The following PLCB4 variants were observed in gnomAD, a reference collection of about 807,000 sequenced individuals.
PLCB4 encodes the protein phospholipase C beta 4.
In PLCB4, 77 loss-of-function variants were observed where a neutral mutation model predicts 178.8. The observed-to-expected ratio is 0.43, with a 90% CI of 0.36 to 0.52. PLCB4 has a LOEUF of 0.52. Ranked by LOEUF, PLCB4 falls within the 20% of genes least tolerant of loss-of-function variation. The pLI, the probability that PLCB4 is intolerant of heterozygous loss-of-function variation, is 0.00. For synonymous variants in PLCB4, 496 were observed against 490.8 expected, an observed-to-expected ratio of 1.01 and a Z score of -0.14; for missense variants, 1,024 against 1,453.4, an observed-to-expected ratio of 0.70 and a Z score of 4.80.
rs1037018006 is a variant in PLCB4, at chr20:9,467,352, A to C, written c.3249-1219A>C. Reference sequence around the variant, plus strand: ...AAATGACGAGTTGATGGGTGCAGCAAACCAACATGGCACATGTATACCTAT... The same window carrying C: ...AAATGACGAGTTGATGGGTGCAGCACACCAACATGGCACATGTATACCTAT... On this transcript the variant is annotated intron_variant, in intron 35 of 39. Transcript: ENST00000378473. Among the ~76,000 whole-genome samples the C allele has an allele frequency of 9.8e-5, 15 of 152,314 alleles. No homozygotes were observed. In the South Asian group the frequency reaches 1.5e-3, roughly 15 times the overall value.
At chr20:9,339,964 A>G (rs1428545741) in intron 7 of PLCB4, among the ~76,000 whole-genome samples, 2 of 152,176 alleles carry the variant, frequency 1.3e-5, no homozygotes, top group Non-Finnish European at 2.9e-5. Flanking sequence ...AGCTCCCATT[A>G]TCTTTCTGTA....
intron 7 of PLCB4, 120 bp downstream of exon 7, chr20:9,339,157 G>T: frequency 5.1e-6 from 4 of 778,706 alleles, no homozygotes; most frequent in Non-Finnish European, 8.0e-6. Flanking sequence ...AGTTAGCATT[G>T]CTTTGCTGAC....
chr20:9,468,683 G>T lies in PLCB4; in HGVS notation c.3350+11G>T. 1 of 1,452,888 alleles carries T rather than the reference G, an allele frequency of 6.9e-7. No individual in the cohort carries two copies. The highest frequency in any genetic ancestry group is 1.1e-5 in the South Asian group (1 of 87,760). The allele number at this position is 1,452,888 out of a possible 1,614,324, so 90.0% of individuals were successfully genotyped here. On this transcript the variant is annotated intron_variant, in intron 36 of 39. Transcript: ENST00000378473. ...AGCAGAACGGGAAAGGTAAGTCTGA[G>T]AGTGTTCACTGCAGGAATATGGCAT...
intron 2 of PLCB4, among the ~76,000 whole-genome samples, chr20:9,110,753 T>C (rs1326105005): frequency 6.6e-6 from 1 of 152,214 alleles, no homozygotes; most frequent in Non-Finnish European, 1.5e-5. Flanking sequence ...CCAAATGTCC[T>C]CTTCACCAAT....
intron 25 of PLCB4, among the ~76,000 whole-genome samples, chr20:9,417,639 TACAA>T (rs1270225554): frequency 6.6e-6 from 1 of 152,212 alleles, no homozygotes; most frequent in Non-Finnish European, 1.5e-5. Context: ...TCTGGATTAT[TACAA>T]ATAATGCTGC....
intron 3 of PLCB4, among the ~76,000 whole-genome samples, chr20:9,264,994 G>A (rs2094334745): frequency 6.6e-6 from 1 of 152,136 alleles, no homozygotes; most frequent in African/African-American, 2.4e-5. Flanking sequence ...CATTAGTTTT[G>A]GGGCAACTCC....
intron 32 of PLCB4, among the ~76,000 whole-genome samples, chr20:9,448,620 C>CTT (rs11379188): frequency 2.8e-4 from 40 of 144,518 alleles, no homozygotes; most frequent in African/African-American, 6.1e-4. Flanking sequence ...TATGCACAGA[C>CTT]TTTTTTTTTT....
At chr20:9,219,344 C>T (rs894629339) in intron 3 of PLCB4, among the ~76,000 whole-genome samples, 3 of 152,132 alleles carry the variant, frequency 2.0e-5, no homozygotes, top group African/African-American at 7.2e-5. Context: ...TGGTGGGCGC[C>T]TGTAGTCCCA....
chr20:9,405,387 C>T (rs1296418739), intron 21 of PLCB4, 39 bp downstream of exon 21: 2 of 1,242,022 alleles, frequency 1.6e-6, no homozygotes, highest in East Asian at 2.6e-5. Flanking sequence ...AAATCAGATG[C>T]ATCTAATTTA....
intron 2 of PLCB4, among the ~76,000 whole-genome samples, chr20:9,131,244 C>CTTCCCTCTTTT (rs951663905): frequency 7.2e-5 from 11 of 152,088 alleles, no homozygotes; most frequent in African/African-American, 2.4e-4. Context: ...ATCAATCTCT[C>CTTCCCTCTTTT]TTCCCTCTTT....
chr20:9,214,076 T>C (rs2147256546), intron 2 of PLCB4, among the ~76,000 whole-genome samples: 1 of 152,344 alleles, frequency 6.6e-6, no homozygotes, highest in East Asian at 1.9e-4. Context: ...TTTTCACTTT[T>C]TTGACGGTGT....
rs185817466 is a variant in PLCB4 at position 9,339,106 on chromosome 20, G to A, written c.369+69G>A. ...ATATGTTGTGTGTTTAATTTTATGCGTGCTATATTTTTATATACTTAAATT... is the reference window on the plus strand; with the variant it reads ...ATATGTTGTGTGTTTAATTTTATGCATGCTATATTTTTATATACTTAAATT... On this transcript the variant is annotated intron_variant, in intron 7 of 39. Coordinates refer to ENST00000378473, the MANE Select transcript of PLCB4 (RefSeq NM_001377142.1). 164 of 1,162,658 alleles carry A rather than the reference G, an allele frequency of 1.4e-4. 2 individuals carry two copies. In the Admixed American group the frequency reaches 1.6e-3, roughly 12 times the overall value. The allele number at this position is 1,162,658 out of a possible 1,614,324, so 72.0% of individuals were successfully genotyped here.
chr20:9,133,713 G>A (rs533677483), intron 2 of PLCB4, among the ~76,000 whole-genome samples: 3 of 152,318 alleles, frequency 2.0e-5, no homozygotes, highest in Non-Finnish European at 4.4e-5. Context: ...AGCTGCATAA[G>A]TGGATAGCTG....
chr20:9,376,626 C>T (rs568535750), intron 12 of PLCB4, among the ~76,000 whole-genome samples: 83 of 152,286 alleles, frequency 5.5e-4, no homozygotes, highest in Non-Finnish European at 3.5e-4. Flanking sequence ...TGTGGCAAGA[C>T]TAGATAAAAC....
intron 3 of PLCB4, among the ~76,000 whole-genome samples, chr20:9,293,790 A>C (rs1023788477): frequency 6.6e-6 from 1 of 152,180 alleles, no homozygotes; most frequent in African/African-American, 2.4e-5. Context: ...GGGGAAGCAC[A>C]AGGTGCTTAA....
chr20:9,196,003 A>T (rs2093467531), intron 2 of PLCB4, among the ~76,000 whole-genome samples: 1 of 152,170 alleles, frequency 6.6e-6, no homozygotes, highest in Non-Finnish European at 1.5e-5. Flanking sequence ...TGCATCAGAA[A>T]AATTTTGATG....
intron 8 of PLCB4, among the ~76,000 whole-genome samples, chr20:9,363,495 T>C (rs914310718): frequency 6.6e-6 from 1 of 152,218 alleles, no homozygotes; most frequent in African/African-American, 2.4e-5. Flanking sequence ...GATTCAGTTA[T>C]TTAAAGATTT....
intron 2 of PLCB4, among the ~76,000 whole-genome samples, chr20:9,199,521 C>G (rs902603366): frequency 2.0e-5 from 3 of 152,188 alleles, no homozygotes; most frequent in African/African-American, 7.2e-5. Flanking sequence ...CTGACTGTTT[C>G]TTTCACTCTT....
intron 9 of PLCB4, 197 bp from the exon 10 acceptor site, chr20:9,371,017 A>T: frequency 1.8e-6 from 1 of 546,668 alleles, no homozygotes; most frequent in Non-Finnish European, 3.3e-6. Flanking sequence ...GCATCACTAG[A>T]CTAACCAGCT....
Sources: gnomAD v4.1 joint callset for allele counts (sites outside exome capture counted in the v4.1 genomes callset) on GRCh38, gnomAD v4.1.1 for gene constraint, MANE v1.5 for transcripts, NCBI Gene and HGNC (gene_info 2026-07-23, HGNC 2026-07-21) for gene names.